XKR6: variants seen among roughly 807,000 people sequenced by gnomAD.
The protein encoded by XKR6 is XK-related protein 6.
Under a neutral mutation model 56.7 loss-of-function variants are expected in XKR6, and 22 were observed. The ratio of observed to expected loss-of-function variants is 0.39; its 90% CI spans 0.28 to 0.55. The LOEUF is 0.55. Ranked by LOEUF, XKR6 falls within the 20% of genes least tolerant of loss-of-function variation. The probability of loss-of-function intolerance (pLI) is 0.66; values close to 1 mark genes in which losing one functional copy is unlikely to be tolerated. For missense variants in XKR6, 852 were observed against 889.0 expected, an observed-to-expected ratio of 0.96 and a Z score of 0.53; for synonymous variants, 524 against 387.8, an observed-to-expected ratio of 1.35 and a Z score of -4.13.
intron 2 of XKR6, among the ~76,000 whole-genome samples, chr8:10,909,761 A>G (rs1373052522): frequency 6.6e-6 from 1 of 152,202 alleles, no homozygotes; most frequent in Non-Finnish European, 1.5e-5. Context: ...GAAGAAAAGG[A>G]ATTCACATTT....
At chr8:11,129,928 C>G (rs751812931) in intron 1 of XKR6, among the ~76,000 whole-genome samples, 15 of 152,068 alleles carry the variant, frequency 9.9e-5, no homozygotes, top group Non-Finnish European at 1.5e-4. Context: ...TGAGGAAAAA[C>G]GCTATCTGAG....
At chr8:10,996,479 A>C (rs918133821) in intron 1 of XKR6, among the ~76,000 whole-genome samples, 3 of 152,196 alleles carry the variant, frequency 2.0e-5, no homozygotes, top group Admixed American at 6.5e-5. Context: ...GCACATCTCT[A>C]TACTGCTAAG....
chr8:11,135,056 G>A lies in XKR6; in HGVS notation c.764+65520C>T, dbSNP rs548333856. ...CTAATTTTTTTTTTTTTTTTGAGGC[G>A]GAGTCTCCCTCTGTCGCCCAGGCTG... On this transcript the variant is annotated intron_variant, in intron 1 of 2. Coordinates refer to ENST00000416569, the MANE Select transcript of XKR6 (RefSeq NM_173683.4). 2.0e-3 allele frequency among the ~76,000 whole-genome samples: 299 copies of A among 147,848 alleles called. 2 individuals are homozygous for A. Among genetic ancestry groups the A allele is most frequent in the African/African-American group, 7.1e-3 (280 of 39,464 alleles).
At chr8:11,004,761 C>G (rs749529127) in intron 1 of XKR6, among the ~76,000 whole-genome samples, 5 of 152,166 alleles carry the variant, frequency 3.3e-5, no homozygotes, top group Non-Finnish European at 7.3e-5. Flanking sequence ...CAACATTATT[C>G]ACAATAGCCA....
rs527326252 is a variant in XKR6, at chr8:11,190,357, G to A, written c.764+10219C>T. On this transcript the variant is annotated intron_variant, in intron 1 of 2. Transcript: ENST00000416569. ...CTGCTGTTCTCAATGTTTCCAACAG[G>A]TCAACAGAGAACCAACATATTTGAG... Among the ~76,000 whole-genome samples the A allele has an allele frequency of 3.8e-4, 58 of 152,288 alleles. 1 individual carries two copies. Among genetic ancestry groups the A allele is most frequent in the African/African-American group, 1.2e-3 (49 of 41,550 alleles).
chr8:11,037,541 C>G lies in XKR6; in HGVS notation c.765-112711G>C, dbSNP rs563115825. ...CACCCAGCCTCAATGCTGTATTTCT[C>G]AATACTGTGTTACACGCATGTAAAA... On this transcript the variant is annotated intron_variant, in intron 1 of 2. Coordinates refer to ENST00000416569, the MANE Select transcript of XKR6 (RefSeq NM_173683.4). 5.1e-4 allele frequency among the ~76,000 whole-genome samples: 78 copies of G among 152,056 alleles called. 1 individual carries two copies. Among genetic ancestry groups the G allele is most frequent in the African/African-American group, 1.8e-3 (74 of 41,510 alleles).
rs1799235716 is a variant in XKR6, at chr8:11,039,685, CTCCCACCAAT to C, written c.765-114865_765-114856del. On this transcript the variant is annotated intron_variant, in intron 1 of 2. Transcript: ENST00000416569. ...TGGTGGCCCACGCCCTCCACAAGGA[CTCCCACCAAT>C]TCCCATCTGTACTCGCCCCTTCCCA... is the stretch of plus-strand genomic sequence containing the variant. 2.0e-5 allele frequency among the ~76,000 whole-genome samples: 3 copies of C among 152,232 alleles called. No homozygotes were observed. In the South Asian group the frequency reaches 6.2e-4, roughly 32 times the overall value.
At chr8:10,974,803 C>T (rs936970664) in intron 1 of XKR6, among the ~76,000 whole-genome samples, 2 of 152,326 alleles carry the variant, frequency 1.3e-5, no homozygotes, top group East Asian at 1.9e-4. Flanking sequence ...GAGGTGGGAA[C>T]TCCTGGGCTC....
intron 1 of XKR6, among the ~76,000 whole-genome samples, chr8:11,168,895 T>G (rs1315873374): frequency 6.6e-6 from 1 of 152,208 alleles, no homozygotes; most frequent in Non-Finnish European, 1.5e-5. Context: ...TCTCTTTTCC[T>G]TCTGTGGGCA....
chr8:10,914,430 T>C (rs1448343094), intron 2 of XKR6, among the ~76,000 whole-genome samples: 1 of 152,124 alleles, frequency 6.6e-6, no homozygotes, highest in African/African-American at 2.4e-5. Flanking sequence ...CTTTTGGAGA[T>C]CATTTAGCTG....
intron 1 of XKR6, among the ~76,000 whole-genome samples, chr8:11,161,525 T>C (rs114699603): frequency 6.6e-6 from 1 of 152,240 alleles, no homozygotes; most frequent in Non-Finnish European, 1.5e-5. Flanking sequence ...GTGCTAACAA[T>C]GACCACAATG....
chr8:11,180,567 A>C (rs1266867125), intron 1 of XKR6, among the ~76,000 whole-genome samples: 1 of 152,198 alleles, frequency 6.6e-6, no homozygotes, highest in Non-Finnish European at 1.5e-5. Context: ...AACAGCATGG[A>C]GACAAATAGT....
chr8:11,041,498 G>A (rs1476029424), intron 1 of XKR6, among the ~76,000 whole-genome samples: 1 of 151,970 alleles, frequency 6.6e-6, no homozygotes, highest in Non-Finnish European at 1.5e-5. Flanking sequence ...AGGGGCTGCA[G>A]TGAGTCAAGA....
At chr8:10,932,478 G>A (rs1391335355) in intron 1 of XKR6, among the ~76,000 whole-genome samples, 1 of 147,068 alleles carries the variant, frequency 6.8e-6, no homozygotes, top group African/African-American at 2.6e-5. Context: ...ACATCGTGCA[G>A]GTTAGTTACA....
At position 11,178,676 on chromosome 8, in the gene XKR6, A is replaced by AATAT. The variant is rs375693953; in HGVS notation, c.764+21896_764+21899dup. ...AAATATATATATATACACAGAGATA[A>AATAT]ATATATATATATATATGTATATCGG... On this transcript the variant is annotated intron_variant, in intron 1 of 2. Coordinates refer to ENST00000416569, the MANE Select transcript of XKR6 (RefSeq NM_173683.4). Among the ~76,000 whole-genome samples the AATAT allele has an allele frequency of 9.0e-5, 12 of 132,930 alleles. No homozygotes were observed. The East Asian group carries it at 1.4e-3, about 15-fold the overall frequency. 87.2% of individuals were successfully genotyped at this position (132,930 alleles called of 152,430 possible).
At chr8:11,020,330 C>T (rs1798721379) in intron 1 of XKR6, among the ~76,000 whole-genome samples, 1 of 152,154 alleles carries the variant, frequency 6.6e-6, no homozygotes, top group East Asian at 1.9e-4. Context: ...CTCAGCCATC[C>T]CTCCAGAAAT....
intron 1 of XKR6, chr8:11,124,221 A>G (rs1236673423): frequency 5.7e-6 from 2 of 348,308 alleles, no homozygotes; most frequent in Non-Finnish European, 1.1e-5. Context: ...TTCTATTATC[A>G]AGCATATTCA....
chr8:10,965,910 C>A (rs993788618), intron 1 of XKR6, among the ~76,000 whole-genome samples: 1 of 152,150 alleles, frequency 6.6e-6, no homozygotes, highest in African/African-American at 2.4e-5. Flanking sequence ...CCCCTGGGAA[C>A]CAAAAAACGG....
chr8:11,062,748 C>T lies in XKR6; in HGVS notation c.764+137828G>A, dbSNP rs949563507. On this transcript the variant is annotated intron_variant, in intron 1 of 2. Coordinates refer to ENST00000416569, the MANE Select transcript of XKR6 (RefSeq NM_173683.4). ...TTTTTAAATACTGTGACATAAACAG[C>T]TACGTACTTACAGAAATTGTTCTCT... is the stretch of plus-strand genomic sequence containing the variant. 31 of 456,138 alleles carry T rather than the reference C, an allele frequency of 6.8e-5. No homozygotes were observed. In the Admixed American group the frequency reaches 7.3e-4, roughly 11 times the overall value. 28.3% of individuals were successfully genotyped at this position (456,138 alleles called of 1,614,324 possible). A position where few individuals can be genotyped will look rare whatever the true frequency, so the allele number is the denominator to read the frequency against.
Sources: gnomAD v4.1 joint callset for allele counts (sites outside exome capture counted in the v4.1 genomes callset) on GRCh38, gnomAD v4.1.1 for gene constraint, MANE v1.5 for transcripts, NCBI Gene and HGNC (gene_info 2026-07-23, HGNC 2026-07-21) for gene names.